The following MTAP variants were observed in gnomAD, a reference collection of about 807,000 sequenced individuals.
The protein encoded by MTAP is methylthioadenosine phosphorylase.
MTAP carries 33 observed loss-of-function variants against 33.6 expected under a neutral mutation model. The observed-to-expected ratio is 0.98, with a 90% CI of 0.74 to 1.31. MTAP has a LOEUF of 1.31. MTAP is among the 40% of genes most tolerant of loss of function. The pLI, the probability that MTAP is intolerant of heterozygous loss-of-function variation, is 0.00. For synonymous variants in MTAP, 148 were observed against 125.7 expected (o/e 1.18, Z -1.19); for missense variants, 367 against 360.0 (o/e 1.02, Z -0.16).
At chr9:21,822,271 C>T (rs1239681171) in intron 4 of MTAP, among the ~76,000 whole-genome samples, 2 of 152,176 alleles carry the variant, frequency 1.3e-5, no homozygotes, top group East Asian at 3.8e-4. Flanking sequence ...GCATTTAGTG[C>T]TATAAATTTC....
exon 8 of MTAP, chr9:21,936,792 G>A (rs922422632): frequency 2.6e-5 from 4 of 152,038 alleles, no homozygotes; most frequent in Non-Finnish European, 4.4e-5. Context: ...TAGTTAAAAA[G>A]ACTAAAAATA....
downstream of MTAP, chr9:21,934,412 C>G (rs891481088): frequency 6.6e-6 from 1 of 152,162 alleles, no homozygotes; most frequent in African/African-American, 2.4e-5. The surrounding 1 kb of genome is among the most constrained non-coding windows in gnomAD (Gnocchi z 5.0). Flanking sequence ...ACGGGATAAT[C>G]TTCAGTAAAT....
At chr9:21,915,499 A>G (rs1818673100) in intron 1 of MTAP, among the ~76,000 whole-genome samples, 1 of 152,122 alleles carries the variant, frequency 6.6e-6, no homozygotes, top group Admixed American at 6.5e-5. Flanking sequence ...GTTACAAATA[A>G]TTCTGTTATA....
chr9:21,829,668 G>T (rs936654929), intron 4 of MTAP, among the ~76,000 whole-genome samples: 11 of 151,532 alleles, frequency 7.3e-5, no homozygotes, highest in African/African-American at 2.7e-4. Context: ...GTTCTTCAAA[G>T]GCTAGCGAGA....
intron 1 of MTAP, among the ~76,000 whole-genome samples, chr9:21,881,758 C>A (rs971515875): frequency 6.6e-5 from 10 of 151,880 alleles, no homozygotes; most frequent in Non-Finnish European, 7.4e-5. Context: ...AAAATTGGAA[C>A]CCTTCCACAC....
At chr9:21,834,061 A>G (rs1196066712) in intron 4 of MTAP, among the ~76,000 whole-genome samples, 1 of 152,050 alleles carries the variant, frequency 6.6e-6, no homozygotes, top group African/African-American at 2.4e-5. Flanking sequence ...ACCTTAAGCA[A>G]TTTGTTGGAT....
At position 21,864,775 on chromosome 9, in the gene MTAP, C is replaced by G. The variant is rs1825823542; in HGVS notation, c.*2761C>G. On this transcript the variant is annotated 3_prime_UTR_variant, in exon 8 of 8. Coordinates refer to ENST00000644715, the MANE Select transcript of MTAP (RefSeq NM_002451.4). ...GGGAGTGACTAAGGTGACCTCCAACCTGCCCTGAGCCAGCTGCCCTGCAGG... is the reference window on the plus strand; with the variant it reads ...GGGAGTGACTAAGGTGACCTCCAACGTGCCCTGAGCCAGCTGCCCTGCAGG... 7.1e-6 allele frequency: 7 copies of G among 985,332 alleles called. No individual in the cohort carries two copies. The South Asian group carries it at 3.3e-4, about 46-fold the overall frequency. 61.0% of individuals were successfully genotyped at this position (985,332 alleles called of 1,614,324 possible).
At chr9:21,822,300 A>C (rs1471291979) in intron 4 of MTAP, among the ~76,000 whole-genome samples, 31 of 152,078 alleles carry the variant, frequency 2.0e-4, no homozygotes, top group Admixed American at 1.3e-4. Flanking sequence ...CACTGCTTTA[A>C]ATGTGTCCCA....
intron 1 of MTAP, among the ~76,000 whole-genome samples, chr9:21,911,891 G>A (rs141184516): frequency 0.026 from 3,945 of 152,000 alleles, 144 homozygotes; most frequent in African/African-American, 0.074. Flanking sequence ...TAGCAAGACT[G>A]ATAAGGAAGA....
rs1180320045 is a variant in MTAP at position 21,924,436 on chromosome 9, A to G, written c.148-6572A>G. On this transcript the variant is annotated intron_variant, in intron 1 of 1. Transcript: ENST00000577563. ...TCTTGACCAGAAAGTGGAAGCATAA[A>G]TTTTAAATTTTTAATATGCTCTATC... is the stretch of plus-strand genomic sequence containing the variant. Among the ~76,000 whole-genome samples, 3 of 152,250 alleles carry G rather than the reference A, an allele frequency of 2.0e-5. No homozygotes were observed. The East Asian group carries it at 5.8e-4, about 29-fold the overall frequency.
intron 1 of MTAP, chr9:21,929,530 G>A (rs928908283): frequency 5.0e-5 from 16 of 321,564 alleles, no homozygotes; most frequent in Admixed American, 1.7e-4. Flanking sequence ...CCTGTTATGA[G>A]AAAAAGCTCA....
intron 1 of MTAP, among the ~76,000 whole-genome samples, chr9:21,910,971 G>C (rs1411095421): frequency 6.6e-6 from 1 of 152,116 alleles, no homozygotes; most frequent in Non-Finnish European, 1.5e-5. Context: ...AAAAGGCAGG[G>C]GTTGCAATCC....
chr9:21,938,954 T>C (rs1819088500), downstream of MTAP, among the ~76,000 whole-genome samples: 1 of 152,174 alleles, frequency 6.6e-6, no homozygotes, highest in Non-Finnish European at 1.5e-5. Context: ...CATGGTGATA[T>C]GGTTTGGCTG....
intron 1 of MTAP, chr9:21,802,985 A>AAC (rs753392319): frequency 0.032 from 14,156 of 442,400 alleles, 142 homozygotes; most frequent in Admixed American, 0.043. Context: ...CCGCACCGCC[A>AAC]ACACACACAC....
Position 21,909,327 on chromosome 9 carries a change from T to A in MTAP, c.148-21681T>A, listed in dbSNP as rs1818528454. Among the ~76,000 whole-genome samples the A allele has an allele frequency of 5.9e-5, 9 of 152,100 alleles. No homozygotes were observed. In the South Asian group the frequency reaches 1.9e-3, roughly 32 times the overall value. ...CTTCCTTCCTGCCGTGAATAAGACATTTATATTGCTGATGTTAAGGAATAA... is the reference window on the plus strand; with the variant it reads ...CTTCCTTCCTGCCGTGAATAAGACAATTATATTGCTGATGTTAAGGAATAA... On this transcript the variant is annotated intron_variant, in intron 1 of 1. Coordinates refer to the MTAP transcript ENST00000577563.
chr9:21,902,540 T>C (rs1818409561), intron 1 of MTAP, among the ~76,000 whole-genome samples: 1 of 152,244 alleles, frequency 6.6e-6, no homozygotes, highest in Admixed American at 6.5e-5. Context: ...ACTTTCAAGT[T>C]TTCTACATAA....
At chr9:21,900,181 G>C (rs1280668423) in intron 1 of MTAP, among the ~76,000 whole-genome samples, 2 of 151,998 alleles carry the variant, frequency 1.3e-5, no homozygotes, top group African/African-American at 4.8e-5. Context: ...TTGACAAGTG[G>C]GACCTAATTA....
intron 1 of MTAP, among the ~76,000 whole-genome samples, chr9:21,923,526 G>A (rs985013466): frequency 4.6e-5 from 7 of 152,184 alleles, no homozygotes; most frequent in African/African-American, 1.7e-4. Flanking sequence ...GTTTATGTGA[G>A]CATATGAAGG....
intron 1 of MTAP, among the ~76,000 whole-genome samples, chr9:21,873,025 G>C (rs760864077): frequency 1.3e-5 from 2 of 152,106 alleles, no homozygotes; most frequent in Non-Finnish European, 2.9e-5. Context: ...GATGTTACTA[G>C]AGCCCTCTTC....
Sources: gnomAD v4.1 joint callset for allele counts (sites outside exome capture counted in the v4.1 genomes callset) on GRCh38, gnomAD v4.1.1 for gene constraint, Gnocchi (gnomAD v3.1) non-coding constraint, MANE v1.5 for transcripts, NCBI Gene and HGNC (gene_info 2026-07-23, HGNC 2026-07-21) for gene names.